The following GNAO1 variants were observed in gnomAD, a reference collection of about 807,000 sequenced individuals.
The protein encoded by GNAO1 is G protein subunit alpha o1.
For missense variants in GNAO1, 166 were observed against 478.7 expected, an observed-to-expected ratio of 0.35 and a Z score of 6.10; for synonymous variants, 164 against 180.7, an observed-to-expected ratio of 0.91 and a Z score of 0.74.
intron 3 of GNAO1, among the ~76,000 whole-genome samples, chr16:56,305,945 C>T (rs1322188947): frequency 6.6e-6 from 1 of 152,190 alleles, no homozygotes; most frequent in Non-Finnish European, 1.5e-5. Flanking sequence ...TTTTTAAAGA[C>T]CCTGTCTCTA....
intron 4 of GNAO1, among the ~76,000 whole-genome samples, chr16:56,332,425 C>T (rs1335540587): frequency 6.6e-6 from 1 of 152,238 alleles, no homozygotes; most frequent in African/African-American, 2.4e-5. Context: ...CTTCCCCAAC[C>T]ACCCTGCATC....
At chr16:56,321,883 C>T (rs1356286502) in intron 3 of GNAO1, among the ~76,000 whole-genome samples, 1 of 152,216 alleles carries the variant, frequency 6.6e-6, no homozygotes, top group Non-Finnish European at 1.5e-5. Context: ...ACAGGCCAGA[C>T]CTGGTATCTT....
At chr16:56,344,540 C>T in intron 6 of GNAO1, 19 of 987,164 alleles carry the variant, frequency 1.9e-5, no homozygotes, top group Non-Finnish European at 2.3e-5. Flanking sequence ...CTGGGTCATC[C>T]TCCCTTGCCT....
At chr16:56,300,043 G>GCGCGCGCA (rs1555505528) in intron 3 of GNAO1, among the ~76,000 whole-genome samples, 3 of 92,138 alleles carry the variant, frequency 3.3e-5, no homozygotes, top group African/African-American at 1.4e-4. Context: ...GTGTGCGCGC[G>GCGCGCGCA]CGCGCGCGCA....
At chr16:56,261,447 G>A (rs772417661) in intron 2 of GNAO1, among the ~76,000 whole-genome samples, 2 of 152,210 alleles carry the variant, frequency 1.3e-5, no homozygotes, top group African/African-American at 4.8e-5. Context: ...TGCTGGTGGT[G>A]TATTGGTGTC....
Position 56,275,965 on chromosome 16 carries a change from G to A in GNAO1, c.196G>A (p.Val66Met), listed in dbSNP as rs557932562. ...IHEDGFSGED[V>M]KQYKPVVYSN... ...TGAAGATGGCTTCTCCGGAGAAGACGTGAAACAGTACAAGCCTGTTGTCTA... is the reference window on the plus strand; with the variant it reads ...TGAAGATGGCTTCTCCGGAGAAGACATGAAACAGTACAAGCCTGTTGTCTA... The change falls in exon 3 of 9, where the codon GTG (valine) becomes ATG (methionine). Residue 66 changes from valine (V) to methionine (M), a missense_variant. By Grantham distance (21) the Val-to-Met change is conservative (BLOSUM62 1). Transcript: ENST00000262493. 4 of 1,613,752 alleles carry A rather than the reference G, an allele frequency of 2.5e-6. No individual in the cohort carries two copies. Among genetic ancestry groups the A allele is most frequent in the African/African-American group, 2.7e-5 (2 of 74,994 alleles).
intron 6 of GNAO1, among the ~76,000 whole-genome samples, chr16:56,343,137 A>C (rs2037822122): frequency 6.6e-6 from 1 of 151,640 alleles, no homozygotes; most frequent in Admixed American, 6.6e-5. Flanking sequence ...CAAAAAGAGG[A>C]GTCCATAAAT....
chr16:56,339,350 G>A (rs1369560925), intron 6 of GNAO1, among the ~76,000 whole-genome samples: 3 of 152,244 alleles, frequency 2.0e-5, no homozygotes, highest in Non-Finnish European at 2.9e-5. Flanking sequence ...GCTAAAAGCT[G>A]TAAAAGTGCC....
intron 2 of GNAO1, among the ~76,000 whole-genome samples, chr16:56,222,787 C>T (rs769888950): frequency 1.3e-5 from 2 of 152,122 alleles, no homozygotes; most frequent in Admixed American, 6.5e-5. Context: ...TCCCTTGACA[C>T]GTGGGAGAGC....
chr16:56,239,922 A>G (rs1286899075), intron 2 of GNAO1, among the ~76,000 whole-genome samples: 7 of 152,212 alleles, frequency 4.6e-5, no homozygotes, highest in Non-Finnish European at 1.0e-4. Context: ...TGCAGGTCTC[A>G]GCAACTATCC....
intron 3 of GNAO1, among the ~76,000 whole-genome samples, chr16:56,301,367 G>A (rs1218742263): frequency 7.2e-5 from 11 of 152,146 alleles, no homozygotes; most frequent in African/African-American, 2.7e-4. Flanking sequence ...GGATGTGGGG[G>A]AGCCGGAAGC....
chr16:56,308,997 T>G (rs1428927251), intron 3 of GNAO1, among the ~76,000 whole-genome samples: 1 of 152,120 alleles, frequency 6.6e-6, no homozygotes, highest in Non-Finnish European at 1.5e-5. Flanking sequence ...GAAGTTCATG[T>G]AGCTGGATGG....
intron 2 of GNAO1, among the ~76,000 whole-genome samples, chr16:56,268,000 G>C (rs1007248764): frequency 6.6e-6 from 1 of 151,670 alleles, no homozygotes; most frequent in African/African-American, 2.4e-5. Context: ...TTCTCACCTG[G>C]TGTCACCCAT....
At chr16:56,236,346 A>G (rs1252829175) in intron 2 of GNAO1, among the ~76,000 whole-genome samples, 1 of 152,234 alleles carries the variant, frequency 6.6e-6, no homozygotes, top group African/African-American at 2.4e-5. Context: ...GCACACACAT[A>G]CAGAAGGAGA....
intron 3 of GNAO1, among the ~76,000 whole-genome samples, chr16:56,295,472 T>TA (rs1457200166): frequency 3.9e-5 from 6 of 152,170 alleles, no homozygotes; most frequent in Non-Finnish European, 7.4e-5. Context: ...CTGTACCTGT[T>TA]ACCACTCCTG....
chr16:56,224,292 C>T (rs2036515611), intron 2 of GNAO1, among the ~76,000 whole-genome samples: 2 of 152,144 alleles, frequency 1.3e-5, no homozygotes, highest in South Asian at 4.1e-4. Flanking sequence ...AGAGTCCTGC[C>T]TTTCTTCCTG....
Position 56,348,312 on chromosome 16 carries a change from A to G in GNAO1, c.724-3072A>G, listed in dbSNP as rs116441178. The G allele has an allele frequency of 3.2e-3, 1,148 of 361,076 alleles. 11 individuals are homozygous for G. The highest frequency in any genetic ancestry group is 0.023 in the African/African-American group (1,048 of 45,464). The allele number at this position is 361,076 out of a possible 1,614,324, so 22.4% of individuals were successfully genotyped here. A position where few individuals can be genotyped will look rare whatever the true frequency, so the allele number is the denominator to read the frequency against. On this transcript the variant is annotated intron_variant, in intron 6 of 8. Transcript: ENST00000262493. The stretch of plus-strand genomic sequence containing the variant: ...GTCCCAGGACTGCTGGCAGCCTGGC[A>G]GAGTGGGCACACTCCTGCTGGGGAC...
chr16:56,274,877 T>C (rs1234001047), intron 2 of GNAO1, among the ~76,000 whole-genome samples: 1 of 152,166 alleles, frequency 6.6e-6, no homozygotes, highest in East Asian at 1.9e-4. Flanking sequence ...TAAAAACCAT[T>C]GAATTGTATA....
intron 2 of GNAO1, among the ~76,000 whole-genome samples, chr16:56,267,016 C>T (rs2036960588): frequency 6.6e-6 from 1 of 152,184 alleles, no homozygotes. Flanking sequence ...GCTTAGTCCT[C>T]AGTCTTGATG....
Sources: gnomAD v4.1 joint callset for allele counts (sites outside exome capture counted in the v4.1 genomes callset) on GRCh38, gnomAD v4.1.1 for gene constraint, MANE v1.5 for transcripts, NCBI Gene and HGNC (gene_info 2026-07-23, HGNC 2026-07-21) for gene names.